The following TENT2 variants were observed in gnomAD, a reference collection of about 807,000 sequenced individuals.
TENT2 encodes the protein poly(A) RNA polymerase GLD2.
Under a neutral mutation model 72.2 loss-of-function variants are expected in TENT2, and 44 were observed. The ratio of observed to expected loss-of-function variants is 0.61; its 90% CI spans 0.48 to 0.78. TENT2 has a LOEUF of 0.78. Among genes scored for constraint, TENT2 ranks in the 30% least tolerant of loss-of-function variants. The probability of loss-of-function intolerance (pLI) is 0.00; values close to 1 mark genes in which losing one functional copy is unlikely to be tolerated. For synonymous variants in TENT2, 212 were observed against 192.5 expected (o/e 1.10, Z -0.84); for missense variants, 541 against 569.6 (o/e 0.95, Z 0.51).
intron 1 of TENT2, 134 bp from the exon 2 acceptor site, chr5:79,619,475 TAGG>T (rs1233701155): frequency 1.9e-6 from 1 of 533,108 alleles, no homozygotes; most frequent in African/African-American, 1.9e-5. Context: ...CAGTGGCACT[TAGG>T]AGACCTATTT....
chr5:79,681,873 A>T, intron 13 of TENT2, 109 bp from the exon 14 acceptor site: 1 of 883,136 alleles, frequency 1.1e-6, no homozygotes, highest in Non-Finnish European at 1.7e-6. Flanking sequence ...TGAAATTGCA[A>T]TTTTTGTAGG....
At position 79,645,196 on chromosome 5, in the gene TENT2, A is replaced by T. The variant is rs1186191031; in HGVS notation, c.821+4A>T. The T allele has an allele frequency of 6.2e-7, 1 of 1,601,934 alleles. No homozygotes were observed. Among genetic ancestry groups the T allele is most frequent in the Non-Finnish European group, 8.5e-7 (1 of 1,174,988 alleles). ...TGAAGTTCAGGGATAAAGTCAGGTAAATAATTAATGAGCTTTCTTTTTTTA... is the reference window on the plus strand; with the variant it reads ...TGAAGTTCAGGGATAAAGTCAGGTATATAATTAATGAGCTTTCTTTTTTTA... On this transcript the variant is annotated splice_donor_region_variant and intron_variant, in intron 8 of 14. Transcript: ENST00000453514.
intron 4 of TENT2, among the ~76,000 whole-genome samples, chr5:79,639,912 T>G (rs1415015920): frequency 6.6e-6 from 1 of 152,110 alleles, no homozygotes; most frequent in Non-Finnish European, 1.5e-5. Context: ...TCACCTATGT[T>G]GATGGCAAGA....
chr5:79,650,420 C>A (rs1466635958), intron 10 of TENT2, among the ~76,000 whole-genome samples: 6 of 151,944 alleles, frequency 3.9e-5, no homozygotes, highest in Non-Finnish European at 8.8e-5. Context: ...TAAAATGTGA[C>A]ATTTTTACCA....
chr5:79,619,801 T>C lies in TENT2; in HGVS notation c.137+16T>C, dbSNP rs759948823. The C allele has an allele frequency of 4.4e-6, 7 of 1,603,760 alleles. No individual in the cohort carries two copies. Among genetic ancestry groups the C allele is most frequent in the Non-Finnish European group, 6.0e-6 (7 of 1,174,954 alleles). On this transcript the variant is annotated intron_variant, in intron 2 of 14. Coordinates refer to ENST00000453514, the MANE Select transcript of TENT2 (RefSeq NM_001114394.3). ...AGAATGCAGAGTGAGTATGGTGATA[T>C]TTTGGCCCATGTTGTTGGTAAATTT...
At chr5:79,648,501 T>TTGGGCCCATACTA (rs1475222249) in intron 8 of TENT2, 116 bp from the exon 9 acceptor site, 1 of 675,724 alleles carries the variant, frequency 1.5e-6, no homozygotes, top group African/African-American at 1.8e-5. Context: ...TCTATGGCCT[T>TTGGGCCCATACTA]TGGGCCCATA....
At chr5:79,643,036 C>A in intron 7 of TENT2, 126 bp downstream of exon 7, 1 of 1,184,230 alleles carries the variant, frequency 8.4e-7, no homozygotes, top group South Asian at 3.1e-5. Flanking sequence ...ATTCTTTTTT[C>A]CAAATGAATT....
chr5:79,643,252 A>C (rs1785849637), intron 7 of TENT2, among the ~76,000 whole-genome samples: 1 of 152,156 alleles, frequency 6.6e-6, no homozygotes, highest in Non-Finnish European at 1.5e-5. Context: ...GAAAAGCTAA[A>C]AGCCCTATAG....
At chr5:79,645,594 A>G (rs1327184721) in intron 8 of TENT2, among the ~76,000 whole-genome samples, 2 of 152,316 alleles carry the variant, frequency 1.3e-5, no homozygotes, top group East Asian at 1.9e-4. Flanking sequence ...TGAAAGATAC[A>G]TATAATACCT....
Position 79,627,129 on chromosome 5 carries a change from C to CAAA in TENT2, c.465+3653_465+3655dup, listed in dbSNP as rs58479791. On this transcript the variant is annotated intron_variant, in intron 4 of 14. Transcript: ENST00000453514. The stretch of plus-strand genomic sequence containing the variant: ...TGGGCGACAGAGTGAGACTCCGTCT[C>CAAA]AAAAAAAAAAAAAAATCTTTTACTG... Among the ~76,000 whole-genome samples, 467 of 128,764 alleles carry CAAA rather than the reference C, an allele frequency of 3.6e-3. 6 individuals carry two copies. The highest frequency in any genetic ancestry group is 0.011 in the African/African-American group (408 of 36,548). The allele number at this position is 128,764 out of a possible 152,430, so 84.5% of individuals were successfully genotyped here.
In TENT2 at chr5:79,658,112, T is replaced by G. The variant is rs1043729886; in HGVS notation, c.1071+1111T>G. On this transcript the variant is annotated intron_variant, in intron 11 of 14. Coordinates refer to ENST00000453514, the MANE Select transcript of TENT2 (RefSeq NM_001114394.3). Reference sequence around the variant, plus strand: ...ATACAGCCCTGCTGTGGTGGAGATCTCACATTCTGTGGAAGGTCATCTGCT... The same window carrying G: ...ATACAGCCCTGCTGTGGTGGAGATCGCACATTCTGTGGAAGGTCATCTGCT... 2.0e-5 allele frequency among the ~76,000 whole-genome samples: 3 copies of G among 152,098 alleles called. No individual in the cohort carries two copies. In the East Asian group the frequency reaches 5.8e-4, roughly 29 times the overall value.
chr5:79,636,461 A>G (rs1253531462), intron 4 of TENT2, among the ~76,000 whole-genome samples: 1 of 152,076 alleles, frequency 6.6e-6, no homozygotes, highest in Non-Finnish European at 1.5e-5. Context: ...GGGCCATACT[A>G]TCTTGATTAC....
At chr5:79,659,987 C>T (rs112293636) in intron 11 of TENT2, among the ~76,000 whole-genome samples, 1,736 of 151,870 alleles carry the variant, frequency 0.011, 28 homozygotes, top group African/African-American at 0.04. Flanking sequence ...CAAAGGAAAC[C>T]GCGGAGTTCT....
chr5:79,659,484 AT>A (rs1390940945), intron 11 of TENT2, among the ~76,000 whole-genome samples: 1 of 133,618 alleles, frequency 7.5e-6, no homozygotes, highest in East Asian at 2.4e-4. Flanking sequence ...GTGAGCCCAG[AT>A]TGCGCCACTG....
chr5:79,656,501 TTAAA>T (rs1479656317), intron 10 of TENT2, among the ~76,000 whole-genome samples: 3 of 151,996 alleles, frequency 2.0e-5, no homozygotes, highest in Admixed American at 1.3e-4. Context: ...TTAGTGGAAA[TTAAA>T]TAATAAAGGG....
At chr5:79,666,522 A>AT (rs1554089442) in intron 11 of TENT2, among the ~76,000 whole-genome samples, 2 of 150,914 alleles carry the variant, frequency 1.3e-5, no homozygotes, top group African/African-American at 2.4e-5. Flanking sequence ...TAATCTTTCT[A>AT]TTTTTTTTAG....
At chr5:79,678,124 T>A (rs1182665742) in intron 12 of TENT2, among the ~76,000 whole-genome samples, 2 of 152,176 alleles carry the variant, frequency 1.3e-5, no homozygotes, top group African/African-American at 2.4e-5. Context: ...AAAGCACAAA[T>A]CCTGTTATAT....
rs1476868857 is a variant in TENT2, at chr5:79,685,268, A to G, written c.1450A>G (p.Arg484Gly). ...ACCTGTAAGAGCTGCTGTCCTGAAA[A>G]GATAACTGGCCTCTATTTCTTAATA... ...ILPVRAAVLK[R>G] is the part of the protein sequence containing the mutation. The change falls in exon 15 of 15, where the codon AGA becomes GGA. Residue 484 changes from arginine to glycine, a missense_variant. Transcript: ENST00000453514. 4 of 1,587,826 alleles carry G rather than the reference A, an allele frequency of 2.5e-6. No individual in the cohort carries two copies. Among genetic ancestry groups the G allele is most frequent in the Non-Finnish European group, 3.4e-6 (4 of 1,168,190 alleles).
chr5:79,657,857 C>G lies in TENT2; in HGVS notation c.1071+856C>G, dbSNP rs183963066. On this transcript the variant is annotated intron_variant, in intron 11 of 14. Coordinates refer to ENST00000453514, the MANE Select transcript of TENT2 (RefSeq NM_001114394.3). ...CTTATAAGAAGAGCTGTCTTCTAAACTTACTAAATGGTCATATTTCAAAGA... is the reference window on the plus strand; with the variant it reads ...CTTATAAGAAGAGCTGTCTTCTAAAGTTACTAAATGGTCATATTTCAAAGA... Among the ~76,000 whole-genome samples, 886 of 152,242 alleles carry G rather than the reference C, an allele frequency of 5.8e-3. 4 individuals carry two copies. Among genetic ancestry groups the G allele is most frequent in the Non-Finnish European group, 7.1e-3 (482 of 68,018 alleles).
Sources: allele counts gnomAD v4.1 joint callset (sites outside exome capture counted in the v4.1 genomes callset), GRCh38; gene constraint gnomAD v4.1.1; transcripts MANE v1.5; gene names NCBI Gene and HGNC (gene_info 2026-07-23, HGNC 2026-07-21).